SAMD12: variants seen among roughly 807,000 people sequenced by gnomAD.
The protein encoded by SAMD12 is sterile alpha motif domain-containing protein 12.
A neutral mutation model predicts 15.0 loss-of-function variants in SAMD12; 9 were observed. The ratio of observed to expected loss-of-function variants is 0.60; its 90% CI spans 0.36 to 1.05. SAMD12 has a LOEUF of 1.05. Ranked by LOEUF, SAMD12 falls within the 50% of genes least tolerant of loss-of-function variation. SAMD12 has a pLI of 0.01. For synonymous variants in SAMD12, 86 were observed against 90.1 expected, an observed-to-expected ratio of 0.96 and a Z score of 0.25; for missense variants, 230 against 234.2, an observed-to-expected ratio of 0.98 and a Z score of 0.12.
downstream of SAMD12, among the ~76,000 whole-genome samples, chr8:118,373,901 A>C (rs893183414): frequency 6.6e-6 from 1 of 152,182 alleles, no homozygotes; most frequent in Non-Finnish European, 1.5e-5. Flanking sequence ...TAAAACAATA[A>C]AAATAATAAT....
chr8:118,500,103 A>C (rs1824741254), intron 2 of SAMD12, among the ~76,000 whole-genome samples: 1 of 105,456 alleles, frequency 9.5e-6, no homozygotes, highest in Non-Finnish European at 1.8e-5. Context: ...GAGACAGCAG[A>C]GTTTCACTCT....
intron 2 of SAMD12, among the ~76,000 whole-genome samples, chr8:118,565,950 A>T (rs537559453): frequency 6.6e-6 from 1 of 152,336 alleles, no homozygotes; most frequent in South Asian, 2.1e-4. Flanking sequence ...GGCTCAAGAC[A>T]CCATCATCTC....
At chr8:118,165,661 G>A in the SAMD12 span, among the ~76,000 whole-genome samples, 1 of 94,212 alleles carries the variant, frequency 1.1e-5, no homozygotes, top group African/African-American at 4.4e-5. Flanking sequence ...AAACATAACA[G>A]GTGATTTGAA....
At chr8:118,405,393 C>T (rs1821079118) in intron 3 of SAMD12, among the ~76,000 whole-genome samples, 1 of 147,680 alleles carries the variant, frequency 6.8e-6, no homozygotes, top group South Asian at 2.1e-4. Context: ...CAGCCATACT[C>T]AACACCGATA....
chr8:118,191,665 C>T (rs989292877), exon 5 of SAMD12: 3 of 148,360 alleles, frequency 2.0e-5, no homozygotes, highest in Admixed American at 6.8e-5. Context: ...TGGACATAAG[C>T]ATTGTCAAAA....
At chr8:118,182,051 T>C in the SAMD12 span, among the ~76,000 whole-genome samples, 3 of 152,256 alleles carry the variant, frequency 2.0e-5, no homozygotes. Context: ...CAGTAGTCTC[T>C]GTCATTTGCT....
At chr8:118,517,308 AC>A in intron 2 of SAMD12, among the ~76,000 whole-genome samples, 1 of 152,220 alleles carries the variant, frequency 6.6e-6, no homozygotes, top group East Asian at 1.9e-4. Flanking sequence ...AAGGTCAATC[AC>A]AGTTGTAGCA....
Position 118,378,988 on chromosome 8 carries a change from G to T in SAMD12, c.*429C>A. On this transcript the variant is annotated 3_prime_UTR_variant, in exon 4 of 4. Coordinates refer to ENST00000314727, the MANE Select transcript of SAMD12 (RefSeq NM_207506.3). Reference sequence around the variant, plus strand: ...TATTCCACTTTCAAGAAGCTAAATGGGGTTCTTACAATCTCTAAAGTGTGT... The same window carrying T: ...TATTCCACTTTCAAGAAGCTAAATGTGGTTCTTACAATCTCTAAAGTGTGT... 1 of 971,810 alleles carries T rather than the reference G, an allele frequency of 1.0e-6. No homozygotes were observed. Among genetic ancestry groups the T allele is most frequent in the Non-Finnish European group, 1.2e-6 (1 of 815,056 alleles). 60.2% of individuals were successfully genotyped at this position (971,810 alleles called of 1,614,324 possible). A position where few individuals can be genotyped will look rare whatever the true frequency, so the allele number is the denominator to read the frequency against.
At chr8:118,162,348 C>T in the SAMD12 span, among the ~76,000 whole-genome samples, 3 of 149,256 alleles carry the variant, frequency 2.0e-5, no homozygotes, top group Non-Finnish European at 4.4e-5. Context: ...AAGTGTACCT[C>T]AATAAAGACA....
chr8:118,270,040 G>A (rs915869355), intron 4 of SAMD12, among the ~76,000 whole-genome samples: 4 of 152,142 alleles, frequency 2.6e-5, no homozygotes, highest in Non-Finnish European at 5.9e-5. Flanking sequence ...TGCTTTTAAC[G>A]ATGGTGGAAG....
intron 3 of SAMD12, among the ~76,000 whole-genome samples, chr8:118,413,580 C>T (rs1250037560): frequency 1.3e-5 from 2 of 152,134 alleles, no homozygotes; most frequent in East Asian, 3.9e-4. Context: ...ATATAATTCT[C>T]TTGACAATTA....
chr8:118,482,764 C>T (rs1400431396), intron 2 of SAMD12, among the ~76,000 whole-genome samples: 1 of 152,084 alleles, frequency 6.6e-6, no homozygotes, highest in Non-Finnish European at 1.5e-5. Flanking sequence ...TTAAAGCTGT[C>T]CATGGATCAG....
At chr8:118,256,800 A>ACT (rs1554618195) in intron 4 of SAMD12, among the ~76,000 whole-genome samples, 1 of 151,354 alleles carries the variant, frequency 6.6e-6, no homozygotes, top group Non-Finnish European at 1.5e-5. Context: ...ACACACACAC[A>ACT]CACACACACA....
intron 4 of SAMD12, among the ~76,000 whole-genome samples, chr8:118,348,155 C>A (rs775762421): frequency 6.6e-6 from 1 of 152,184 alleles, no homozygotes; most frequent in African/African-American, 2.4e-5. Flanking sequence ...CGGCTCACTG[C>A]AGCCTCTGCC....
At chr8:118,356,828 T>C (rs902583285) in intron 4 of SAMD12, among the ~76,000 whole-genome samples, 13 of 152,298 alleles carry the variant, frequency 8.5e-5, no homozygotes, top group Admixed American at 2.6e-4. Context: ...CCTCCACATT[T>C]GTGGCTGCTC....
At chr8:118,570,903 G>C (rs753358283) in intron 2 of SAMD12, among the ~76,000 whole-genome samples, 1 of 152,168 alleles carries the variant, frequency 6.6e-6, no homozygotes, top group Non-Finnish European at 1.5e-5. Context: ...AAAAAGAGGA[G>C]TTCCCCTGCA....
chr8:118,471,559 C>T (rs1298718255), intron 2 of SAMD12, among the ~76,000 whole-genome samples: 1 of 152,128 alleles, frequency 6.6e-6, no homozygotes, highest in Non-Finnish European at 1.5e-5. Flanking sequence ...AATCCCTTTG[C>T]AAAGCCAAAA....
chr8:118,557,827 G>C (rs183782196), intron 2 of SAMD12, among the ~76,000 whole-genome samples: 2 of 152,076 alleles, frequency 1.3e-5, no homozygotes, highest in South Asian at 2.1e-4. Context: ...GCATGTTCCT[G>C]TAACTTCTAT....
intron 2 of SAMD12, among the ~76,000 whole-genome samples, chr8:118,506,753 G>A (rs1460998295): frequency 6.6e-6 from 1 of 151,180 alleles, no homozygotes; most frequent in African/African-American, 2.4e-5. Flanking sequence ...TTTAGAACAT[G>A]TTAGCTTTTA....
Sources: gnomAD v4.1 joint callset for allele counts (sites outside exome capture counted in the v4.1 genomes callset) on GRCh38, gnomAD v4.1.1 for gene constraint, MANE v1.5 for transcripts, NCBI Gene and HGNC (gene_info 2026-07-23, HGNC 2026-07-21) for gene names.